ERC1: variants seen among roughly 807,000 people sequenced by gnomAD.
ERC1 encodes RAB6 interacting protein 2.
A neutral mutation model predicts 132.0 loss-of-function variants in ERC1; 56 were observed. That is an observed-to-expected ratio of 0.42 (90% confidence interval 0.34 to 0.53). The LOEUF is 0.53. ERC1 is among the 20% of genes least tolerant of loss of function. ERC1 has a pLI of 0.03. For synonymous variants in ERC1, 478 were observed against 476.1 expected, an observed-to-expected ratio of 1.00 and a Z score of -0.05; for missense variants, 1,202 against 1,349.9, an observed-to-expected ratio of 0.89 and a Z score of 1.72.
intron 18 of ERC1, among the ~76,000 whole-genome samples, chr12:1,478,243 T>C (rs1033794851): frequency 6.6e-6 from 1 of 152,240 alleles, no homozygotes; most frequent in African/African-American, 2.4e-5. Context: ...TTTTAGCCAT[T>C]CTGGTGGTCA....
At chr12:1,219,985 A>G (rs2154294803) in intron 12 of ERC1, among the ~76,000 whole-genome samples, 1 of 152,258 alleles carries the variant, frequency 6.6e-6, no homozygotes, top group Admixed American at 6.5e-5. Flanking sequence ...TCTGTATCCT[A>G]TGGCTTCTTG....
At chr12:1,408,393 CA>C (rs536321545) in intron 17 of ERC1, 146 bp downstream of exon 17, 5 of 536,432 alleles carry the variant, frequency 9.3e-6, no homozygotes, top group African/African-American at 3.8e-5. Context: ...CTACTCTTTT[CA>C]AAAAAATCAC....
intron 15 of ERC1, among the ~76,000 whole-genome samples, chr12:1,338,988 T>C (rs770480691): frequency 1.3e-5 from 2 of 152,238 alleles, no homozygotes; most frequent in Non-Finnish European, 2.9e-5. Context: ...GCCAAAGTGC[T>C]TCATAGTGTG....
intron 8 of ERC1, among the ~76,000 whole-genome samples, chr12:1,160,079 C>G (rs1381888083): frequency 9.1e-6 from 1 of 109,634 alleles, no homozygotes; most frequent in Non-Finnish European, 1.7e-5. Flanking sequence ...TTTAGTCTAA[C>G]AGTAATTTAG....
intron 15 of ERC1, among the ~76,000 whole-genome samples, chr12:1,349,315 T>A (rs760732919): frequency 1.3e-5 from 2 of 152,126 alleles, no homozygotes; most frequent in Non-Finnish European, 2.9e-5. Flanking sequence ...TGAGATTGAT[T>A]AGGATTAATA....
chr12:1,365,130 TA>T (rs1319429292), intron 15 of ERC1, among the ~76,000 whole-genome samples: 5 of 152,198 alleles, frequency 3.3e-5, no homozygotes, highest in African/African-American at 1.2e-4. Flanking sequence ...TGATACCTTC[TA>T]CTTGTGCACC....
At chr12:1,260,170 T>A (rs1566413742) in intron 13 of ERC1, among the ~76,000 whole-genome samples, 1 of 152,132 alleles carries the variant, frequency 6.6e-6, no homozygotes, top group Non-Finnish European at 1.5e-5. Flanking sequence ...TGCATTCAAC[T>A]CCCATATTTG....
At chr12:1,316,103 G>A (rs899812786) in intron 15 of ERC1, among the ~76,000 whole-genome samples, 1 of 152,066 alleles carries the variant, frequency 6.6e-6, no homozygotes, top group African/African-American at 2.4e-5. Context: ...TTAGGCAGAT[G>A]GTCTTGATCT....
rs369641474 is a variant in ERC1 at position 1,441,165 on chromosome 12, T to G, written c.3025-3397T>G. Reference sequence around the variant, plus strand: ...CCTCCCCTTTTCAGGTTCAAGCAATTCTCCTGCCCCAGCCTCCCAAGTAGC... The same window carrying G: ...CCTCCCCTTTTCAGGTTCAAGCAATGCTCCTGCCCCAGCCTCCCAAGTAGC... On this transcript the variant is annotated intron_variant, in intron 17 of 18. Coordinates refer to ENST00000360905, the MANE Select transcript of ERC1 (RefSeq NM_178040.4). Among the ~76,000 whole-genome samples the G allele has an allele frequency of 8.5e-5, 13 of 152,120 alleles. No individual in the cohort carries two copies. In the South Asian group the frequency reaches 2.7e-3, roughly 32 times the overall value.
intron 2 of ERC1, among the ~76,000 whole-genome samples, chr12:1,037,771 G>A (rs1007987740): frequency 9.2e-5 from 14 of 152,088 alleles, no homozygotes; most frequent in Admixed American, 7.2e-4. Flanking sequence ...CCGGCCTGGC[G>A]CAGTGGCTCA....
At chr12:1,181,412 A>C (rs185129639) in intron 9 of ERC1, among the ~76,000 whole-genome samples, 1 of 152,324 alleles carries the variant, frequency 6.6e-6, no homozygotes, top group African/African-American at 2.4e-5. Flanking sequence ...ATCAAATACT[A>C]GTTGAGATTA....
chr12:1,377,419 T>C (rs118001549), intron 16 of ERC1, among the ~76,000 whole-genome samples: 28 of 152,318 alleles, frequency 1.8e-4, no homozygotes, highest in Middle Eastern at 3.4e-3. Flanking sequence ...TGAACCTGCA[T>C]TTGTACATGC....
intron 8 of ERC1, chr12:1,152,372 A>G (rs1950915407): frequency 6.6e-6 from 1 of 152,294 alleles, no homozygotes. Flanking sequence ...CTGTTGTACT[A>G]GGACACTATA....
At position 1,375,733 on chromosome 12, in the gene ERC1, CTTTT is replaced by C. The variant is rs35535185; in HGVS notation, c.2925+3775_2925+3778del. On this transcript the variant is annotated intron_variant, in intron 16 of 18. Transcript: ENST00000360905. ...GTCTCAGTAAGCATGGCTCTTGTTC[CTTTT>C]TTTTTTTTTTTTTTTTTTGAGGTGG... Among the ~76,000 whole-genome samples the C allele has an allele frequency of 4.0e-3, 431 of 107,088 alleles. 2 individuals are homozygous for C. The highest frequency in any genetic ancestry group is 5.4e-3 in the Non-Finnish European group (306 of 56,482). 70.3% of individuals were successfully genotyped at this position (107,088 alleles called of 152,430 possible).
chr12:1,297,990 G>C (rs2080095671), intron 15 of ERC1, among the ~76,000 whole-genome samples: 1 of 152,148 alleles, frequency 6.6e-6, no homozygotes, highest in Admixed American at 6.5e-5. Context: ...GCTTTGGGAA[G>C]CTGAGACTGG....
intron 8 of ERC1, among the ~76,000 whole-genome samples, chr12:1,161,340 A>G (rs561871808): frequency 1.3e-5 from 2 of 152,274 alleles, no homozygotes; most frequent in African/African-American, 4.8e-5. Context: ...CTAAGCCTGG[A>G]GAGTGGTGTC....
chr12:1,295,256 G>T (rs994573329), intron 15 of ERC1, among the ~76,000 whole-genome samples: 31 of 152,282 alleles, frequency 2.0e-4, no homozygotes, highest in African/African-American at 7.0e-4. Context: ...ACTCAGATTC[G>T]AAAGGTCCCC....
At position 1,333,080 on chromosome 12, in the gene ERC1, G is replaced by GTCCTGATCCTCA. The variant is rs1465849490; in HGVS notation, c.2781-38742_2781-38741insATCCTGATCCTC. Among the ~76,000 whole-genome samples the GTCCTGATCCTCA allele has an allele frequency of 3.6e-4, 52 of 144,694 alleles. 1 individual carries two copies. Among genetic ancestry groups the GTCCTGATCCTCA allele is most frequent in the African/African-American group, 1.3e-3 (50 of 37,446 alleles). The allele number at this position is 144,694 out of a possible 152,430, so 94.9% of individuals were successfully genotyped here. ...CGTCCTGATCCTCGTCCTGATCCTC[G>GTCCTGATCCTCA]TCCTGATCCTCGTCCTCCTCTCACC... On this transcript the variant is annotated intron_variant, in intron 15 of 18. Transcript: ENST00000360905.
chr12:1,324,089 T>C (rs2082290593), intron 15 of ERC1, among the ~76,000 whole-genome samples: 1 of 152,196 alleles, frequency 6.6e-6, no homozygotes, highest in Admixed American at 6.5e-5. Context: ...TTTAGAGGAA[T>C]ATCTAATGTC....
Sources: allele counts gnomAD v4.1 joint callset (sites outside exome capture counted in the v4.1 genomes callset), GRCh38; gene constraint gnomAD v4.1.1; transcripts MANE v1.5; gene names NCBI Gene and HGNC (gene_info 2026-07-23, HGNC 2026-07-21).